BLTP3A: variants seen among roughly 807,000 people sequenced by gnomAD.
The protein encoded by BLTP3A is bridge-like lipid transfer protein family member 3A, also known as ICBP90 binding protein 1.
chr6:34,858,973 G>A, the BLTP3A span: 3 of 1,614,118 alleles, frequency 1.9e-6, no homozygotes, highest in Admixed American at 1.7e-5. Flanking sequence ...TTGCATTGGA[G>A]TTCTCTTTCC....
the BLTP3A span, chr6:34,874,854 T>G: frequency 6.6e-6 from 1 of 152,190 alleles, no homozygotes; most frequent in Non-Finnish European, 1.5e-5. Context: ...GTGACCTTAT[T>G]TACAAGATAT....
the BLTP3A span, among the ~76,000 whole-genome samples, chr6:34,812,412 A>T: frequency 6.6e-6 from 1 of 152,072 alleles, no homozygotes; most frequent in Non-Finnish European, 1.5e-5. Context: ...AACATTGTAA[A>T]CAACAAACAA....
chr6:34,867,281 G>C, the BLTP3A span: 17 of 1,613,978 alleles, frequency 1.1e-5, no homozygotes, highest in Non-Finnish European at 1.3e-5. Context: ...AGATAATGCT[G>C]GTGTTCAAGG....
At chr6:34,859,457 A>AT in the BLTP3A span, 2 of 1,614,198 alleles carry the variant, frequency 1.2e-6, no homozygotes, top group Non-Finnish European at 1.7e-6. Flanking sequence ...GAGGCTCTAC[A>AT]TGCCACCATG....
the BLTP3A span, chr6:34,836,328 A>G: frequency 1.2e-6 from 2 of 1,614,072 alleles, no homozygotes; most frequent in Non-Finnish European, 1.7e-6. Flanking sequence ...ATTTGTGATG[A>G]TAGCCAGTCC....
At chr6:34,826,337 G>A in the BLTP3A span, among the ~76,000 whole-genome samples, 157 of 147,134 alleles carry the variant, frequency 1.1e-3, no homozygotes, top group African/African-American at 3.7e-3. Context: ...GCTTTTACAT[G>A]TTACATGTTT....
the BLTP3A span, among the ~76,000 whole-genome samples, chr6:34,847,492 T>C: frequency 1.3e-5 from 2 of 152,108 alleles, no homozygotes; most frequent in African/African-American, 2.4e-5. Context: ...TACTTGTTAT[T>C]ATCTATTCGG....
the BLTP3A span, chr6:34,875,552 C>G: frequency 6.6e-6 from 1 of 152,092 alleles, no homozygotes; most frequent in East Asian, 1.9e-4. Context: ...AAAAACATAT[C>G]CAGTAAGTAC....
chr6:34,816,485 C>G, the BLTP3A span, among the ~76,000 whole-genome samples: 2 of 144,156 alleles, frequency 1.4e-5, no homozygotes, highest in East Asian at 4.0e-4. Flanking sequence ...GTGACATGCA[C>G]TTGTGGTTCT....
At chr6:34,828,175 G>A in the BLTP3A span, among the ~76,000 whole-genome samples, 1 of 151,784 alleles carries the variant, frequency 6.6e-6, no homozygotes, top group East Asian at 1.9e-4. Flanking sequence ...AAAGCCGGGC[G>A]TATTACATGG....
the BLTP3A span, chr6:34,864,325 CAAAA>C: frequency 4.3e-5 from 43 of 1,005,310 alleles, no homozygotes; most frequent in Non-Finnish European, 5.6e-5. Flanking sequence ...TTAATCAAGA[CAAAA>C]AAAGAGAGAC....
At chr6:34,872,548 G>A in the BLTP3A span, 41,355 of 1,370,566 alleles carry the variant, frequency 0.03, 711 homozygotes, top group Non-Finnish European at 0.035. Context: ...GGATGCCAGA[G>A]GGACTGGGGA....
the BLTP3A span, chr6:34,877,273 T>G: frequency 6.6e-6 from 1 of 152,646 alleles, no homozygotes; most frequent in East Asian, 1.9e-4. Flanking sequence ...TGACACTGAA[T>G]GGTAGTGAGG....
the BLTP3A span, chr6:34,835,185 C>T: frequency 8.4e-7 from 1 of 1,183,980 alleles, no homozygotes; most frequent in Non-Finnish European, 1.2e-6. Context: ...TTGATACTTT[C>T]ACATATTGGA....
chr6:34,839,426 A>G, the BLTP3A span, among the ~76,000 whole-genome samples: 2 of 152,222 alleles, frequency 1.3e-5, no homozygotes, highest in African/African-American at 2.4e-5. Context: ...GTTCTGTCCA[A>G]TATAGTAGCC....
the BLTP3A span, among the ~76,000 whole-genome samples, chr6:34,818,858 A>C: frequency 2.0e-5 from 3 of 152,222 alleles, no homozygotes; most frequent in Non-Finnish European, 4.4e-5. Context: ...TAAGTACTTT[A>C]GAAAAAAATT....
At chr6:34,858,624 T>C in the BLTP3A span, 3 of 1,614,152 alleles carry the variant, frequency 1.9e-6, no homozygotes, top group Non-Finnish European at 2.5e-6. Flanking sequence ...CAGCCAGTTT[T>C]GGAAGTCCTG....
the BLTP3A span, among the ~76,000 whole-genome samples, chr6:34,806,456 A>G: frequency 6.6e-6 from 1 of 152,128 alleles, no homozygotes; most frequent in Non-Finnish European, 1.5e-5. Flanking sequence ...TTTCACCACC[A>G]TTGGTAAAAG....
the BLTP3A span, among the ~76,000 whole-genome samples, chr6:34,829,443 A>G: frequency 6.6e-6 from 1 of 152,216 alleles, no homozygotes; most frequent in Non-Finnish European, 1.5e-5. Flanking sequence ...ACTGTTATGT[A>G]CTACAACATG....
Sources: gnomAD v4.1 joint callset for allele counts (sites outside exome capture counted in the v4.1 genomes callset) on GRCh38, gnomAD v4.1.1 for gene constraint, MANE v1.5 for transcripts, NCBI Gene and HGNC (gene_info 2026-07-23, HGNC 2026-07-21) for gene names.